Variants in LPXN observed in about 807,000 individuals in gnomAD.
The protein encoded by LPXN is leupaxin.
In LPXN, 28 loss-of-function variants were observed where a neutral mutation model predicts 45.6. That is an observed-to-expected ratio of 0.61 (90% CI 0.45 to 0.84). The LOEUF (loss-of-function observed/expected upper bound fraction) is 0.84. Ranked by LOEUF, LPXN falls within the 40% of genes least tolerant of loss-of-function variation. LPXN has a pLI of 0.00. For synonymous variants in LPXN, 166 were observed against 169.9 expected (o/e 0.98, Z 0.18); for missense variants, 459 against 475.0 (o/e 0.97, Z 0.31).
Position 58,554,832 on chromosome 11 carries a change from T to G in LPXN, c.318+9A>C. 1 of 1,612,144 alleles carries G rather than the reference T, an allele frequency of 6.2e-7. No individual in the cohort carries two copies. Among genetic ancestry groups the G allele is most frequent in the East Asian group, 2.2e-5 (1 of 44,832 alleles). ...ACCTTGGCCTGCACTCACCTTGGCC[T>G]GCACTCACCTTGGCCTGCATCTCAG... On this transcript the variant is annotated intron_variant, in intron 4 of 8. Coordinates refer to ENST00000395074, the MANE Select transcript of LPXN (RefSeq NM_004811.3).
At chr11:58,549,030 T>TA (rs1351970593) in intron 7 of LPXN, among the ~76,000 whole-genome samples, 1 of 152,186 alleles carries the variant, frequency 6.6e-6, no homozygotes, top group African/African-American at 2.4e-5. Context: ...TCTTCCCTCT[T>TA]AGACAGTCAA....
At chr11:58,543,946 G>A (rs1293706614) in intron 7 of LPXN, among the ~76,000 whole-genome samples, 1 of 152,112 alleles carries the variant, frequency 6.6e-6, no homozygotes, top group East Asian at 1.9e-4. Flanking sequence ...AAACCATATA[G>A]CTGCAGTTTT....
intron 7 of LPXN, among the ~76,000 whole-genome samples, chr11:58,530,876 G>C (rs1326057636): frequency 6.6e-6 from 1 of 152,240 alleles, no homozygotes; most frequent in Admixed American, 6.5e-5. Flanking sequence ...AATCTTTGCT[G>C]TTCTGCAGCC....
Position 58,554,912 on chromosome 11 carries a change from G to C in LPXN, c.247C>G (p.Pro83Ala). The change falls in exon 4 of 9, where the codon CCA becomes GCA. Residue 83 changes from proline (P) to alanine (A), a missense_variant. Physicochemically the swap from Pro to Ala is conservative, Grantham distance 27. Transcript: ENST00000395074. ...GCAGCTGCTGACGTTTTAGAAGGTG[G>C]TGGTGATTCCTTTGGCTCTTGGGCT... ...SEAQEPKESP[P>A]PSKTSAAAQL... is the part of the protein sequence containing the mutation. 6.2e-7 allele frequency: 1 copy of C among 1,614,006 alleles called. No homozygotes were observed. The highest frequency in any genetic ancestry group is 1.3e-5 in the African/African-American group (1 of 75,042).
chr11:58,560,055 C>T (rs2120354187), intron 3 of LPXN, among the ~76,000 whole-genome samples: 1 of 152,272 alleles, frequency 6.6e-6, no homozygotes, highest in South Asian at 2.1e-4. Context: ...AATTTTCACC[C>T]TATGTATACA....
chr11:58,549,476 G>C (rs931125223), intron 7 of LPXN, among the ~76,000 whole-genome samples: 2 of 152,136 alleles, frequency 1.3e-5, no homozygotes, highest in Non-Finnish European at 2.9e-5. Context: ...AATTTGGAGA[G>C]GAGAACTGGA....
At chr11:58,562,294 T>C (rs1441162496) in intron 3 of LPXN, among the ~76,000 whole-genome samples, 1 of 152,228 alleles carries the variant, frequency 6.6e-6, no homozygotes, top group Non-Finnish European at 1.5e-5. Flanking sequence ...TTAAAAGCAA[T>C]ATTTAGTTCA....
chr11:58,576,606 A>G (rs115834167), upstream of LPXN, among the ~76,000 whole-genome samples: 3,276 of 152,330 alleles, frequency 0.022, 49 homozygotes, highest in Non-Finnish European at 0.024. Context: ...TACTATAAAA[A>G]AGCAATACGT....
intron 7 of LPXN, among the ~76,000 whole-genome samples, chr11:58,544,919 T>C (rs1420498504): frequency 6.6e-6 from 1 of 152,122 alleles, no homozygotes; most frequent in Non-Finnish European, 1.5e-5. Context: ...AGGAATTCTT[T>C]GGACTGATGA....
chr11:58,562,454 G>A (rs1854406690), intron 3 of LPXN, among the ~76,000 whole-genome samples: 2 of 152,084 alleles, frequency 1.3e-5, no homozygotes, highest in African/African-American at 4.8e-5. Context: ...TAGGTCACCT[G>A]GATTTTATGT....
At chr11:58,541,855 C>G (rs1261752913) in intron 7 of LPXN, among the ~76,000 whole-genome samples, 1 of 152,052 alleles carries the variant, frequency 6.6e-6, no homozygotes, top group East Asian at 1.9e-4. Flanking sequence ...AAATACTGTG[C>G]AGCCATAAAA....
intron 7 of LPXN, among the ~76,000 whole-genome samples, chr11:58,547,345 AC>A: frequency 6.6e-6 from 1 of 152,216 alleles, no homozygotes; most frequent in Non-Finnish European, 1.5e-5. Context: ...AAGAAACATG[AC>A]AAGGAGAGAA....
chr11:58,578,639 G>C (rs532167368), upstream of LPXN, among the ~76,000 whole-genome samples: 2 of 152,310 alleles, frequency 1.3e-5, no homozygotes, highest in African/African-American at 4.8e-5. Flanking sequence ...TAGGGTGGAG[G>C]CGGAAGAACG....
intron 2 of LPXN, among the ~76,000 whole-genome samples, chr11:58,566,187 C>A (rs552775467): frequency 6.6e-6 from 1 of 151,992 alleles, no homozygotes; most frequent in East Asian, 1.9e-4. Context: ...AAACTGCAAT[C>A]TTTTTCAAAA....
At chr11:58,578,127 GA>G, upstream of LPXN, 1 of 1,508,296 alleles carries the variant, frequency 6.6e-7, no homozygotes, top group African/African-American at 1.4e-5. Flanking sequence ...GACACCCCGA[GA>G]AAGGTACGCC....
At chr11:58,578,084 G>T, upstream of LPXN, 3 of 1,548,200 alleles carry the variant, frequency 1.9e-6, no homozygotes, top group South Asian at 3.6e-5. Context: ...GGTGTCATCT[G>T]ACCAAACCAA....
intron 7 of LPXN, among the ~76,000 whole-genome samples, chr11:58,541,524 A>C (rs2120259892): frequency 6.6e-6 from 1 of 151,326 alleles, no homozygotes; most frequent in East Asian, 1.9e-4. Flanking sequence ...GGCAATCATT[A>C]AAAAGTCAGG....
intron 2 of LPXN, among the ~76,000 whole-genome samples, chr11:58,565,663 C>T (rs910430295): frequency 3.3e-5 from 5 of 151,790 alleles, no homozygotes; most frequent in African/African-American, 1.2e-4. Flanking sequence ...GATAGTGATA[C>T]AAAGTTATGA....
At position 58,543,637 on chromosome 11, in the gene LPXN, A is replaced by G. The variant is rs183292901; in HGVS notation, c.742+6149T>C. ...TTTACACCTGACTAGTCAGTAGAGG[A>G]GCTGAGATTGAAATCTAGGCCTAAC... is the stretch of plus-strand genomic sequence containing the variant. On this transcript the variant is annotated intron_variant, in intron 7 of 8. Transcript: ENST00000395074. Among the ~76,000 whole-genome samples, 86 of 152,288 alleles carry G rather than the reference A, an allele frequency of 5.6e-4. 1 individual carries two copies. Among genetic ancestry groups the G allele is most frequent in the Non-Finnish European group, 5.9e-5 (4 of 68,016 alleles).
Sources: gnomAD v4.1 joint callset for allele counts (sites outside exome capture counted in the v4.1 genomes callset) on GRCh38, gnomAD v4.1.1 for gene constraint, MANE v1.5 for transcripts, NCBI Gene and HGNC (gene_info 2026-07-23, HGNC 2026-07-21) for gene names.